RARB: variants seen among roughly 807,000 people sequenced by gnomAD.
RARB encodes the protein HBV-activated protein.
RARB carries 17 observed loss-of-function variants against 51.9 expected under a neutral mutation model. That is an observed-to-expected ratio of 0.33 (90% CI 0.22 to 0.49). The LOEUF (loss-of-function observed/expected upper bound fraction) is 0.49, where lower values mean the gene tolerates loss of function less well. Ranked by LOEUF, RARB falls within the 20% of genes least tolerant of loss-of-function variation. The probability of loss-of-function intolerance (pLI) is 0.99; values close to 1 mark genes in which losing one functional copy is unlikely to be tolerated. For missense variants in RARB, 369 were observed against 550.8 expected (o/e 0.67, Z 3.30); for synonymous variants, 215 against 195.4 (o/e 1.10, Z -0.84).
chr3:25,286,947 A>G (rs1703671525), intron 5 of RARB, among the ~76,000 whole-genome samples: 1 of 151,960 alleles, frequency 6.6e-6, no homozygotes, highest in Non-Finnish European at 1.5e-5. Flanking sequence ...GAAATGAAAA[A>G]CTCCCGATCA....
intron 2 of RARB, among the ~76,000 whole-genome samples, chr3:24,942,838 A>G (rs1251360692): frequency 6.6e-6 from 1 of 152,216 alleles, no homozygotes; most frequent in Non-Finnish European, 1.5e-5. Flanking sequence ...ATCTGAATTC[A>G]TAAGATTTCA....
In RARB at chr3:24,972,223, A is replaced by G. The variant is rs557913205; in HGVS notation, c.-379-87902A>G. 1.0e-3 allele frequency among the ~76,000 whole-genome samples: 152 copies of G among 152,066 alleles called. 1 individual carries two copies. Among genetic ancestry groups the G allele is most frequent in the African/African-American group, 3.5e-3 (144 of 41,518 alleles). On this transcript the variant is annotated intron_variant, in intron 2 of 11. Transcript: ENST00000383772. ...AAATCCACTCTTTTAGCTCCCACATATGAGTGAGAACATGTGATATTTGTC... is the reference window on the plus strand; with the variant it reads ...AAATCCACTCTTTTAGCTCCCACATGTGAGTGAGAACATGTGATATTTGTC...
intron 2 of RARB, among the ~76,000 whole-genome samples, chr3:25,008,727 C>T (rs9830542): frequency 0.33 from 50,320 of 151,962 alleles, 10,448 homozygotes; most frequent in African/African-American, 0.59. Context: ...TCAGTCCATT[C>T]CCAGAAACCT....
intron 4 of RARB, among the ~76,000 whole-genome samples, chr3:25,138,484 C>A (rs1306486665): frequency 2.6e-5 from 4 of 152,010 alleles, no homozygotes; most frequent in Admixed American, 2.6e-4. Flanking sequence ...ATTCAACTTG[C>A]ATTTGCCTTT....
rs761791887 is a variant in RARB at position 25,583,989 on chromosome 3, G to C, written c.786+3267G>C. ...GGCTCTGCCCCCATGTTTCCTTCTC[G>C]TTCAATCTCCTTTATGCCTTTTCTT... On this transcript the variant is annotated intron_variant, in intron 5 of 7. Coordinates refer to ENST00000330688, the MANE Select transcript of RARB (RefSeq NM_000965.5). 6.6e-5 allele frequency among the ~76,000 whole-genome samples: 10 copies of C among 152,168 alleles called. 1 individual carries two copies. Among genetic ancestry groups the C allele is most frequent in the Non-Finnish European group, 4.4e-5 (3 of 68,026 alleles).
At chr3:24,942,703 T>C (rs1313127692) in intron 2 of RARB, among the ~76,000 whole-genome samples, 1 of 152,188 alleles carries the variant, frequency 6.6e-6, no homozygotes, top group African/African-American at 2.4e-5. Flanking sequence ...ACGCACTATG[T>C]TGCCTGGCAC....
At chr3:24,848,318 C>T (rs1170360874) in intron 1 of RARB, among the ~76,000 whole-genome samples, 1 of 152,176 alleles carries the variant, frequency 6.6e-6, no homozygotes, top group African/African-American at 2.4e-5. Context: ...GCCTCGGCTT[C>T]CCAAAATGCT....
intron 5 of RARB, among the ~76,000 whole-genome samples, chr3:25,181,046 C>CTT (rs1206937410): frequency 6.6e-6 from 1 of 152,154 alleles, no homozygotes; most frequent in African/African-American, 2.4e-5. Flanking sequence ...TGGGGCTGGG[C>CTT]TTGAACTCTT....
chr3:25,040,499 T>G (rs1330885271), intron 2 of RARB, among the ~76,000 whole-genome samples: 1 of 152,114 alleles, frequency 6.6e-6, no homozygotes, highest in Non-Finnish European at 1.5e-5. Flanking sequence ...TTGGGAGGCC[T>G]AGGTCGGCAG....
chr3:25,550,844 G>A (rs1699821282), intron 3 of RARB, among the ~76,000 whole-genome samples: 1 of 152,106 alleles, frequency 6.6e-6, no homozygotes, highest in Admixed American at 6.5e-5. Context: ...GTGGTGTTTG[G>A]TTTTCTGAAC....
At chr3:24,883,659 C>T (rs985990895) in intron 2 of RARB, among the ~76,000 whole-genome samples, 5 of 151,996 alleles carry the variant, frequency 3.3e-5, no homozygotes, top group Admixed American at 2.0e-4. Flanking sequence ...TAATGGTAAG[C>T]CTTTCATTCC....
intron 5 of RARB, among the ~76,000 whole-genome samples, chr3:25,278,957 T>C (rs905078302): frequency 1.3e-5 from 2 of 152,200 alleles, no homozygotes; most frequent in Non-Finnish European, 2.9e-5. Context: ...CCAACATATT[T>C]AGCATTTAAA....
intron 3 of RARB, among the ~76,000 whole-genome samples, chr3:25,523,416 C>T (rs1698493916): frequency 6.6e-6 from 1 of 152,154 alleles, no homozygotes; most frequent in East Asian, 1.9e-4. Flanking sequence ...ACGAGGAAAA[C>T]AAGGGAGATA....
intron 5 of RARB, among the ~76,000 whole-genome samples, chr3:25,419,727 C>T (rs553740182): frequency 6.6e-6 from 1 of 152,278 alleles, no homozygotes; most frequent in African/African-American, 2.4e-5. Flanking sequence ...GGAATCACTG[C>T]AGCAGATCCT....
At chr3:25,159,255 C>T (rs1700434001) in intron 4 of RARB, among the ~76,000 whole-genome samples, 1 of 150,124 alleles carries the variant, frequency 6.7e-6, no homozygotes, top group South Asian at 2.1e-4. Context: ...CCTCCACCTC[C>T]CCCTCCCCGG....
intron 1 of RARB, among the ~76,000 whole-genome samples, chr3:24,842,711 C>T (rs1215078298): frequency 6.6e-6 from 1 of 152,174 alleles, no homozygotes; most frequent in Non-Finnish European, 1.5e-5. Flanking sequence ...TTCTTTAACA[C>T]ATACTTTATT....
chr3:24,856,063 TACA>T (rs66586502), intron 1 of RARB, among the ~76,000 whole-genome samples: 45,953 of 151,864 alleles, frequency 0.3, 8,811 homozygotes, highest in Admixed American at 0.41. Context: ...AATCTGCATT[TACA>T]ACAAGTTTTC....
chr3:25,025,935 A>G (rs1697738963), intron 2 of RARB, among the ~76,000 whole-genome samples: 1 of 152,194 alleles, frequency 6.6e-6, no homozygotes, highest in Non-Finnish European at 1.5e-5. Flanking sequence ...TATGGCTTAA[A>G]AAATGCTCAA....
At chr3:25,526,824 C>G (rs1018661971) in intron 3 of RARB, among the ~76,000 whole-genome samples, 1 of 152,134 alleles carries the variant, frequency 6.6e-6, no homozygotes, top group African/African-American at 2.4e-5. Context: ...TCAGGTAGAT[C>G]TTTAGTTTCC....
Sources: allele counts gnomAD v4.1 joint callset (sites outside exome capture counted in the v4.1 genomes callset), GRCh38; gene constraint gnomAD v4.1.1; transcripts MANE v1.5; gene names NCBI Gene and HGNC (gene_info 2026-07-23, HGNC 2026-07-21).